Variants in DPP10 observed in about 807,000 individuals in gnomAD.
The protein encoded by DPP10 is inactive dipeptidyl peptidase 10.
DPP10 carries 33 observed loss-of-function variants against 120.9 expected under a neutral mutation model. The observed-to-expected ratio is 0.27, with a 90% CI of 0.21 to 0.37. The LOEUF is 0.37. Among genes scored for constraint, DPP10 ranks in the 10% least tolerant of loss-of-function variants. The probability of loss-of-function intolerance (pLI) is 1.00; values close to 1 mark genes in which losing one functional copy is unlikely to be tolerated. For missense variants in DPP10, 816 were observed against 942.8 expected (o/e 0.87, Z 1.76); for synonymous variants, 337 against 326.1 (o/e 1.03, Z -0.36).
intron 1 of DPP10, among the ~76,000 whole-genome samples, chr2:115,207,341 A>G (rs2056201689): frequency 6.8e-6 from 1 of 146,158 alleles, no homozygotes; most frequent in African/African-American, 2.6e-5. Flanking sequence ...CTTTGGTGCA[A>G]TAGGCACCCT....
At chr2:115,772,628 C>A (rs1398878694) in intron 13 of DPP10, among the ~76,000 whole-genome samples, 1 of 152,102 alleles carries the variant, frequency 6.6e-6, no homozygotes, top group Non-Finnish European at 1.5e-5. Context: ...TGATACAAAA[C>A]CTTTTACCCC....
At chr2:115,298,472 G>A (rs961568640) in intron 1 of DPP10, among the ~76,000 whole-genome samples, 2 of 152,038 alleles carry the variant, frequency 1.3e-5, no homozygotes, top group Non-Finnish European at 2.9e-5. Context: ...GACTTAATCT[G>A]TATGGTAGGG....
intron 4 of DPP10, among the ~76,000 whole-genome samples, chr2:115,506,000 A>ATTTT (rs2076920768): frequency 6.6e-6 from 1 of 151,924 alleles, no homozygotes; most frequent in Admixed American, 6.6e-5. Context: ...ATACAAATAA[A>ATTTT]ATAATAAAAC....
intron 1 of DPP10, among the ~76,000 whole-genome samples, chr2:114,464,268 T>A (rs1679168887): frequency 6.8e-6 from 1 of 147,778 alleles, no homozygotes; most frequent in Non-Finnish European, 1.5e-5. Flanking sequence ...TGTCTTTTTA[T>A]TTTTTTAAGA....
chr2:115,725,697 C>G (rs572823263), intron 7 of DPP10, among the ~76,000 whole-genome samples: 1 of 152,272 alleles, frequency 6.6e-6, no homozygotes, highest in African/African-American at 2.4e-5. Flanking sequence ...GAGGTCACCT[C>G]CACTCCTAAT....
chr2:114,696,593 C>T (rs1331962578), intron 1 of DPP10, among the ~76,000 whole-genome samples: 1 of 151,902 alleles, frequency 6.6e-6, no homozygotes, highest in East Asian at 1.9e-4. Flanking sequence ...TATTTTATTA[C>T]TACATGTCCC....
intron 3 of DPP10, among the ~76,000 whole-genome samples, chr2:115,415,848 TATATA>T (rs1317383996): frequency 7.7e-6 from 1 of 129,180 alleles, no homozygotes; most frequent in African/African-American, 3.1e-5. Flanking sequence ...CTTTTATATA[TATATA>T]TATATATATA....
intron 1 of DPP10, among the ~76,000 whole-genome samples, chr2:114,824,722 C>T (rs376516496): frequency 8.7e-4 from 132 of 151,942 alleles, no homozygotes; most frequent in African/African-American, 2.2e-3. Flanking sequence ...CTAAAAATAG[C>T]GTTAATTGAT....
intron 3 of DPP10, among the ~76,000 whole-genome samples, chr2:115,392,467 A>G (rs939478476): frequency 6.3e-5 from 3 of 47,966 alleles, no homozygotes; most frequent in African/African-American, 9.6e-5. Flanking sequence ...ATATTTCACA[A>G]ATAAAGATGT....
intron 1 of DPP10, among the ~76,000 whole-genome samples, chr2:114,675,018 TAA>T (rs1216874782): frequency 2.0e-5 from 3 of 152,196 alleles, no homozygotes; most frequent in African/African-American, 7.2e-5. Flanking sequence ...ATTGTGTTCA[TAA>T]AAAGAGTCTT....
chr2:114,688,513 C>T (rs1385031800), intron 1 of DPP10, among the ~76,000 whole-genome samples: 2 of 151,918 alleles, frequency 1.3e-5, no homozygotes, highest in African/African-American at 4.8e-5. Flanking sequence ...AGAAAAGCTT[C>T]TTAGGATGTT....
intron 3 of DPP10, among the ~76,000 whole-genome samples, chr2:115,373,503 AT>A (rs762629413): frequency 3.6e-5 from 2 of 55,810 alleles, no homozygotes; most frequent in Non-Finnish European, 9.4e-5. Flanking sequence ...GGGGAAAGAA[AT>A]CTGAGCATAT....
intron 1 of DPP10, among the ~76,000 whole-genome samples, chr2:115,072,159 C>A (rs1707418067): frequency 6.6e-6 from 1 of 152,036 alleles, no homozygotes; most frequent in Non-Finnish European, 1.5e-5. Context: ...TTGATGCCTT[C>A]CTTCCCCACT....
intron 1 of DPP10, chr2:114,461,601 A>G: frequency 3.0e-6 from 3 of 985,420 alleles, no homozygotes; most frequent in Non-Finnish European, 2.4e-6. Flanking sequence ...ACTTGATGAA[A>G]GAAGACCTAG....
intron 1 of DPP10, among the ~76,000 whole-genome samples, chr2:115,003,273 C>A (rs1210518112): frequency 6.7e-6 from 1 of 149,694 alleles, no homozygotes; most frequent in East Asian, 2.0e-4. Context: ...GAACAAAAAA[C>A]CAAATACTGC....
intron 5 of DPP10, among the ~76,000 whole-genome samples, chr2:115,650,410 A>AGG (rs55765727): frequency 1.6e-4 from 21 of 129,830 alleles, no homozygotes; most frequent in African/African-American, 5.7e-4. Context: ...GCATGGGGAA[A>AGG]GGGGGGGGGG....
intron 1 of DPP10, among the ~76,000 whole-genome samples, chr2:114,597,413 C>T (rs1327439818): frequency 6.6e-6 from 1 of 151,988 alleles, no homozygotes; most frequent in African/African-American, 2.4e-5. Context: ...AAGTCATGCT[C>T]AGAGTAAATA....
intron 5 of DPP10, among the ~76,000 whole-genome samples, chr2:115,604,096 T>G (rs78139809): frequency 1.3e-4 from 20 of 151,238 alleles, no homozygotes; most frequent in South Asian, 4.2e-4. Context: ...TTTTTTTTTT[T>G]TTTTTTTTTT....
chr2:114,615,975 C>T (rs1693645933), intron 1 of DPP10, among the ~76,000 whole-genome samples: 1 of 151,980 alleles, frequency 6.6e-6, no homozygotes, highest in South Asian at 2.1e-4. Context: ...TATTGATGAG[C>T]CCAACTATCT....
Sources: allele counts gnomAD v4.1 joint callset (sites outside exome capture counted in the v4.1 genomes callset), GRCh38; gene constraint gnomAD v4.1.1; transcripts MANE v1.5; gene names NCBI Gene and HGNC (gene_info 2026-07-23, HGNC 2026-07-21).